The following TMOD2 variants were observed in gnomAD, a reference collection of about 807,000 sequenced individuals.
TMOD2 encodes the protein tropomodulin-2.
In TMOD2, 22 loss-of-function variants were observed where a neutral mutation model predicts 39.9. The observed-to-expected ratio is 0.55, with a 90% CI of 0.39 to 0.79. The LOEUF (loss-of-function observed/expected upper bound fraction) is 0.79. TMOD2 is among the 30% of genes least tolerant of loss of function. TMOD2 has a pLI of 0.00. For synonymous variants in TMOD2, 123 were observed against 146.1 expected (o/e 0.84, Z 1.14); for missense variants, 386 against 413.3 (o/e 0.93, Z 0.57).
intron 5 of TMOD2, among the ~76,000 whole-genome samples, chr15:51,777,977 C>T (rs1483892279): frequency 6.6e-6 from 1 of 151,610 alleles, no homozygotes; most frequent in African/African-American, 2.4e-5. Context: ...CCCAGCCATC[C>T]CATTACTGGG....
At chr15:51,800,450 C>T (rs1294312103) in intron 8 of TMOD2, among the ~76,000 whole-genome samples, 2 of 152,152 alleles carry the variant, frequency 1.3e-5, no homozygotes, top group Non-Finnish European at 2.9e-5. Flanking sequence ...GCGTGAGAAT[C>T]ACTTGAACCC....
chr15:51,754,831 T>C (rs1474393725), intron 1 of TMOD2, among the ~76,000 whole-genome samples: 1 of 152,228 alleles, frequency 6.6e-6, no homozygotes, highest in Non-Finnish European at 1.5e-5. Flanking sequence ...GGATGTGATA[T>C]GTAATGTTTC....
rs145181658 is a variant in TMOD2, at chr15:51,766,184, A to G, written c.-69-189A>G. The stretch of plus-strand genomic sequence containing the variant: ...TCACAGGATTGTTGTAAAGATCAAA[A>G]TAAGTGAAATATGTGAAAACACTTT... On this transcript the variant is annotated intron_variant, in intron 1 of 9. Transcript: ENST00000249700. 9.5e-3 allele frequency among the ~76,000 whole-genome samples: 1,452 copies of G among 152,348 alleles called. 22 individuals are homozygous for G. The highest frequency in any genetic ancestry group is 0.034 in the African/African-American group (1,399 of 41,574).
At chr15:51,761,943 C>T (rs895544856) in intron 1 of TMOD2, among the ~76,000 whole-genome samples, 2 of 151,266 alleles carry the variant, frequency 1.3e-5, no homozygotes, top group Non-Finnish European at 2.9e-5. Context: ...GTCAGGAGAT[C>T]GAGACCATCC....
Position 51,812,728 on chromosome 15 carries a change from G to C in TMOD2, c.*4274G>C, listed in dbSNP as rs1198099214. 1 of 152,210 alleles carries C rather than the reference G, an allele frequency of 6.6e-6. No homozygotes were observed. Among genetic ancestry groups the C allele is most frequent in the Non-Finnish European group, 1.5e-5 (1 of 68,040 alleles). The allele number at this position is 152,210 out of a possible 1,614,324, so 9.4% of individuals were successfully genotyped here. The stretch of plus-strand genomic sequence containing the variant: ...GCTATGTTACCTGTATTCAGTAGAA[G>C]TGTTTCTGGAGTCAGGTTTTAAGTC... On this transcript the variant is annotated 3_prime_UTR_variant, in exon 10 of 10. Transcript: ENST00000249700.
At chr15:51,801,090 A>G (rs763404197) in intron 8 of TMOD2, among the ~76,000 whole-genome samples, 3 of 152,120 alleles carry the variant, frequency 2.0e-5, no homozygotes, top group Non-Finnish European at 4.4e-5. Flanking sequence ...TGTAATCCCA[A>G]TGCATTGCAA....
At chr15:51,766,729 C>A (rs915340721) in intron 2 of TMOD2, 162 bp downstream of exon 2, 1 of 681,150 alleles carries the variant, frequency 1.5e-6, no homozygotes, top group South Asian at 2.3e-5. Flanking sequence ...TCATAGAGAA[C>A]CTCATAGCCA....
intron 3 of TMOD2, among the ~76,000 whole-genome samples, chr15:51,769,589 C>A (rs1352454339): frequency 6.6e-6 from 1 of 152,190 alleles, no homozygotes; most frequent in African/African-American, 2.4e-5. Flanking sequence ...AAACCCTCCT[C>A]CTTAGCTCCC....
intron 1 of TMOD2, among the ~76,000 whole-genome samples, chr15:51,759,861 G>A (rs1453293951): frequency 6.6e-6 from 1 of 152,216 alleles, no homozygotes; most frequent in Non-Finnish European, 1.5e-5. Context: ...AGCTGCACAA[G>A]GAACCCTTAC....
intron 7 of TMOD2, among the ~76,000 whole-genome samples, chr15:51,791,680 G>A (rs763736312): frequency 2.0e-5 from 3 of 151,992 alleles, no homozygotes; most frequent in Non-Finnish European, 4.4e-5. Flanking sequence ...GGAACAGAAC[G>A]GATGCCTCAG....
intron 7 of TMOD2, among the ~76,000 whole-genome samples, chr15:51,787,344 A>T (rs1349292275): frequency 1.3e-5 from 2 of 152,222 alleles, no homozygotes; most frequent in Non-Finnish European, 2.9e-5. Flanking sequence ...ACAAAGCGGC[A>T]TGGAAGCTCG....
chr15:51,785,141 G>A (rs552695024), intron 7 of TMOD2, among the ~76,000 whole-genome samples: 9 of 152,188 alleles, frequency 5.9e-5, no homozygotes, highest in Admixed American at 4.6e-4. Context: ...GGCCGGGCGC[G>A]GTGGCTCACG....
At chr15:51,758,204 C>A (rs1228001258) in intron 1 of TMOD2, among the ~76,000 whole-genome samples, 3 of 151,924 alleles carry the variant, frequency 2.0e-5, no homozygotes, top group Non-Finnish European at 2.9e-5. Context: ...TACATTGACA[C>A]AACATAGGCA....
chr15:51,762,641 G>A (rs1193464491), intron 1 of TMOD2, among the ~76,000 whole-genome samples: 1 of 152,124 alleles, frequency 6.6e-6, no homozygotes, highest in Non-Finnish European at 1.5e-5. Flanking sequence ...AATCAAGGTA[G>A]TAAACATATG....
intron 1 of TMOD2, among the ~76,000 whole-genome samples, chr15:51,764,449 A>G (rs753336534): frequency 1.3e-5 from 2 of 152,224 alleles, no homozygotes; most frequent in Non-Finnish European, 2.9e-5. Context: ...ACACTATTCC[A>G]ATAGCCCTTA....
At chr15:51,802,358 T>G (rs549330324) in intron 8 of TMOD2, among the ~76,000 whole-genome samples, 18 of 152,326 alleles carry the variant, frequency 1.2e-4, no homozygotes, top group African/African-American at 4.3e-4. Flanking sequence ...CAAGGTTCAT[T>G]ACAAAATAGA....
intron 8 of TMOD2, among the ~76,000 whole-genome samples, chr15:51,801,286 CTGT>C (rs1265801087): frequency 5.0e-4 from 60 of 120,650 alleles, no homozygotes; most frequent in Non-Finnish European, 9.0e-4. Context: ...CACACACACC[CTGT>C]CTCTCTCTCT....
At chr15:51,788,233 C>G (rs1332751360) in intron 7 of TMOD2, among the ~76,000 whole-genome samples, 1 of 152,224 alleles carries the variant, frequency 6.6e-6, no homozygotes, top group Admixed American at 6.5e-5. Context: ...CATACACAAG[C>G]TTCAATAGCC....
intron 8 of TMOD2, among the ~76,000 whole-genome samples, chr15:51,803,930 C>T (rs1490129598): frequency 6.6e-6 from 1 of 152,140 alleles, no homozygotes; most frequent in South Asian, 2.1e-4. Flanking sequence ...TAAATTTTCA[C>T]CAACTGTATA....
Sources: allele counts gnomAD v4.1 joint callset (sites outside exome capture counted in the v4.1 genomes callset), GRCh38; gene constraint gnomAD v4.1.1; transcripts MANE v1.5; gene names NCBI Gene and HGNC (gene_info 2026-07-23, HGNC 2026-07-21).